Variants in XDH observed in about 807,000 individuals in gnomAD.
XDH encodes xanthine dehydrogenase, also known as xanthine dehydrogenase/oxidase.
A neutral mutation model predicts 156.1 loss-of-function variants in XDH; 138 were observed. That is an observed-to-expected ratio of 0.88 (90% CI 0.77 to 1.02). The LOEUF (loss-of-function observed/expected upper bound fraction) is 1.02. Ranked by LOEUF, XDH falls within the 50% of genes least tolerant of loss-of-function variation. The pLI, the probability that XDH is intolerant of heterozygous loss-of-function variation, is 0.00. For synonymous variants in XDH, 669 were observed against 625.7 expected, an observed-to-expected ratio of 1.07 and a Z score of -1.03; for missense variants, 1,849 against 1,684.9, an observed-to-expected ratio of 1.10 and a Z score of -1.71.
In XDH at chr2:31,370,473, A is replaced by G; in HGVS notation, c.1862T>C (p.Ile621Thr). ...STRAHAKIKS[I>T]DTSEAKKVPG... ...AACCTTCTTAGCTTCTGATGTATCT[A>G]TGGACCTGCAAGAATGAGTGGTGTG... is the stretch of plus-strand genomic sequence containing the variant. Residue 621 changes from isoleucine to threonine, a missense_variant, in exon 18 of 36, where the codon ATA (isoleucine) becomes ACA (threonine). Transcript: ENST00000379416. 5.6e-6 allele frequency: 9 copies of G among 1,614,186 alleles called. No homozygotes were observed. The highest frequency in any genetic ancestry group is 7.6e-6 in the Non-Finnish European group (9 of 1,180,010).
At chr2:31,368,191 AC>A in intron 19 of XDH, 134 bp from the exon 20 acceptor site, 1 of 847,846 alleles carries the variant, frequency 1.2e-6, no homozygotes, top group Non-Finnish European at 2.0e-6. Flanking sequence ...TGCTTCACAT[AC>A]AGACTTGAAG....
At chr2:31,407,239 T>A (rs1410283197) in intron 1 of XDH, among the ~76,000 whole-genome samples, 1 of 152,104 alleles carries the variant, frequency 6.6e-6, no homozygotes, top group East Asian at 1.9e-4. Flanking sequence ...AGAGATAGGC[T>A]TAACAAGAAA....
rs969721168 is a variant in XDH at position 31,353,545 on chromosome 2, T to C, written c.2632-3322A>G. Among the ~76,000 whole-genome samples, 254 of 152,250 alleles carry C rather than the reference T, an allele frequency of 1.7e-3. 2 individuals are homozygous for C. Among genetic ancestry groups the C allele is most frequent in the African/African-American group, 5.5e-3 (227 of 41,544 alleles). ...GGACTTTGCAACCCAAGGAATGACA[T>C]GATGGTGAGTTCCAGGGGTTTCCTT... On this transcript the variant is annotated intron_variant, in intron 24 of 35. Transcript: ENST00000379416.
chr2:31,364,524 C>A (rs1336024134), intron 23 of XDH, among the ~76,000 whole-genome samples: 3 of 151,772 alleles, frequency 2.0e-5, no homozygotes. Flanking sequence ...CTTCTGGTCT[C>A]GGAGGGGAGT....
Position 31,344,755 on chromosome 2 carries a change from C to T in XDH, c.3352-19G>A, listed in dbSNP as rs538087876. Reference sequence around the variant, plus strand: ...CTGTGACCTGAGGAGAGGAGATGGCCATCAGGCAGGTGAAGTGAGGTTTTC... The same window carrying T: ...CTGTGACCTGAGGAGAGGAGATGGCTATCAGGCAGGTGAAGTGAGGTTTTC... On this transcript the variant is annotated intron_variant, in intron 30 of 35. Coordinates refer to ENST00000379416, the MANE Select transcript of XDH (RefSeq NM_000379.4). The T allele has an allele frequency of 1.4e-5, 22 of 1,613,878 alleles. No individual in the cohort carries two copies. The South Asian group carries it at 2.1e-4, about 15-fold the overall frequency.
At chr2:31,409,025 A>C (rs906838061) in intron 1 of XDH, among the ~76,000 whole-genome samples, 2 of 152,238 alleles carry the variant, frequency 1.3e-5, no homozygotes, top group Non-Finnish European at 1.5e-5. Flanking sequence ...ACGTTAAGTG[A>C]AATAAGTCAG....
intron 11 of XDH, 55 bp downstream of exon 11, chr2:31,382,946 C>T (rs1686477374): frequency 6.2e-7 from 1 of 1,612,576 alleles, no homozygotes; most frequent in African/African-American, 1.3e-5. Context: ...GGCTGCCCTG[C>T]TTTCAGATGA....
Position 31,335,226 on chromosome 2 carries a change from A to ATG in XDH, c.*731_*732insCA, listed in dbSNP as rs1684942428. 1 of 152,198 alleles carries ATG rather than the reference A, an allele frequency of 6.6e-6. No homozygotes were observed. The highest frequency in any genetic ancestry group is 1.9e-4 in the East Asian group (1 of 5,136). The allele number at this position is 152,198 out of a possible 1,614,324, so 9.4% of individuals were successfully genotyped here. A position where few individuals can be genotyped will look rare whatever the true frequency, so the allele number is the denominator to read the frequency against. On this transcript the variant is annotated 3_prime_UTR_variant, in exon 36 of 36. Transcript: ENST00000379416. ...TTGGCTTCAAATGTAAAGATTAAAC[A>ATG]TAATCTTTTTTGTAAATACTCAAAG...
chr2:31,338,504 T>C (rs1043251016), intron 34 of XDH, among the ~76,000 whole-genome samples: 4 of 152,064 alleles, frequency 2.6e-5, no homozygotes, highest in African/African-American at 9.7e-5. Context: ...ATGGCAAGGG[T>C]CACAATATGT....
At chr2:31,368,473 A>T (rs1685980437) in intron 19 of XDH, 68 bp downstream of exon 19, 1 of 1,595,456 alleles carries the variant, frequency 6.3e-7, no homozygotes, top group Non-Finnish European at 8.6e-7. Flanking sequence ...CCTCCAGGGG[A>T]TCCTAATACA....
Position 31,377,161 on chromosome 2 carries a change from A to T in XDH, c.1319T>A (p.Val440Asp), listed in dbSNP as rs750893035. 26 of 1,613,512 alleles carry T rather than the reference A, an allele frequency of 1.6e-5. No individual in the cohort carries two copies. Among genetic ancestry groups the T allele is most frequent in the Non-Finnish European group, 1.9e-5 (23 of 1,179,894 alleles). ...CTCTGTGGTTCCTGGCTTGAATAAA[A>T]CTCTCATGCCACTGGTTACCTTGGC... ...DIAKVTSGMR[V>D]LFKPGTTEVQ... The change falls in exon 14 of 36, where the codon GTT (valine) becomes GAT (aspartate). Residue 440 changes from valine to aspartate, a missense_variant. Transcript: ENST00000379416.
chr2:31,387,942 TCAAA>T, intron 7 of XDH, 45 bp from the exon 8 acceptor site: 1 of 1,539,858 alleles, frequency 6.5e-7, no homozygotes, highest in Non-Finnish European at 8.8e-7. Flanking sequence ...TCTCCTCCTT[TCAAA>T]CACCCAAGAG....
chr2:31,398,557 G>A lies in XDH; in HGVS notation c.433+16C>T, dbSNP rs1197424508. The A allele has an allele frequency of 1.2e-6, 2 of 1,613,846 alleles. No individual in the cohort carries two copies. Among genetic ancestry groups the A allele is most frequent in the Non-Finnish European group, 1.7e-6 (2 of 1,179,822 alleles). On this transcript the variant is annotated intron_variant, in intron 5 of 35. Transcript: ENST00000379416. ...TTTGCCATTCCACCTCCTAGGCTGT[G>A]CCTGAAGGCCCATACCTTGGAAGGC...
At chr2:31,364,666 A>C (rs1685862412) in intron 23 of XDH, among the ~76,000 whole-genome samples, 1 of 152,152 alleles carries the variant, frequency 6.6e-6, no homozygotes, top group Non-Finnish European at 1.5e-5. Flanking sequence ...ATTTCACAGG[A>C]GCACGCAAAT....
chr2:31,342,114 C>A, intron 32 of XDH, 69 bp downstream of exon 32: 1 of 1,378,658 alleles, frequency 7.3e-7, no homozygotes, highest in Non-Finnish European at 1.0e-6. Flanking sequence ...TCTATCAGCT[C>A]TAGGTATTAC....
chr2:31,374,309 A>G (rs1686167032), intron 15 of XDH, among the ~76,000 whole-genome samples: 1 of 152,206 alleles, frequency 6.6e-6, no homozygotes. Flanking sequence ...TGTGGGAAGC[A>G]TTTAATGATA....
chr2:31,367,745 A>G (rs1282534941), intron 20 of XDH, among the ~76,000 whole-genome samples: 1 of 152,188 alleles, frequency 6.6e-6, no homozygotes, highest in African/African-American at 2.4e-5. Context: ...CTCTAGAATC[A>G]TTAGGTCCAG....
chr2:31,363,266 G>A (rs1298843816), intron 24 of XDH, among the ~76,000 whole-genome samples: 2 of 152,210 alleles, frequency 1.3e-5, no homozygotes, highest in Non-Finnish European at 2.9e-5. Flanking sequence ...AGCCAAGATC[G>A]TGCCACTGCA....
chr2:31,394,523 A>G (rs1686851642), intron 6 of XDH, among the ~76,000 whole-genome samples: 1 of 152,042 alleles, frequency 6.6e-6, no homozygotes, highest in African/African-American at 2.4e-5. Context: ...GGGTTTTGGT[A>G]CTTATCCTGG....
Sources: gnomAD v4.1 joint callset for allele counts (sites outside exome capture counted in the v4.1 genomes callset) on GRCh38, gnomAD v4.1.1 for gene constraint, MANE v1.5 for transcripts, NCBI Gene and HGNC (gene_info 2026-07-23, HGNC 2026-07-21) for gene names.